The following TCF4 variants were observed in gnomAD, a reference collection of about 807,000 sequenced individuals.
The protein encoded by TCF4 is transcription factor 4, also known as SL3-3 enhancer factor 2.
TCF4 carries 3 observed loss-of-function variants against 82.1 expected under a neutral mutation model. The observed-to-expected ratio is 0.04, with a 90% CI of 0.02 to 0.09. The LOEUF (loss-of-function observed/expected upper bound fraction) is 0.09. Ranked by LOEUF, TCF4 falls within the 10% of genes least tolerant of loss-of-function variation. TCF4 has a pLI of 1.00. For synonymous variants in TCF4, 276 were observed against 309.6 expected, an observed-to-expected ratio of 0.89 and a Z score of 1.14; for missense variants, 518 against 852.7, an observed-to-expected ratio of 0.61 and a Z score of 4.89.
At position 55,588,042 on chromosome 18, in the gene TCF4, C is replaced by A; in HGVS notation, c.-25G>T. 2.0e-6 allele frequency: 2 copies of A among 982,954 alleles called. No individual in the cohort carries two copies. Among genetic ancestry groups the A allele is most frequent in the Non-Finnish European group, 2.4e-6 (2 of 829,030 alleles). The allele number at this position is 982,954 out of a possible 1,614,324, so 60.9% of individuals were successfully genotyped here. A position where few individuals can be genotyped will look rare whatever the true frequency, so the allele number is the denominator to read the frequency against. ...CCCGCAGGCGCCGGTACCTACCGCC[C>A]GCGCGCGAGAAGGGGCTCTCCGTGC... On this transcript the variant is annotated 5_prime_UTR_variant, in exon 1 of 20. Coordinates refer to ENST00000354452, the MANE Select transcript of TCF4 (RefSeq NM_001083962.2).
In TCF4 at chr18:55,633,679, T is replaced by A. The variant is rs1350289824; in HGVS notation, c.195+2024A>T. On this transcript the variant is annotated intron_variant, in intron 1 of 20. Transcript: ENST00000398339. This position sits in a 1 kb window ranked among gnomAD's most constrained non-coding sequence, Gnocchi z 4.0. ...TTTCTGTAAAGGGCCAGATAGCAAATTTTTTAAGCATTGCAGGCCATATGG... is the reference window on the plus strand; with the variant it reads ...TTTCTGTAAAGGGCCAGATAGCAAAATTTTTAAGCATTGCAGGCCATATGG... Among the ~76,000 whole-genome samples the A allele has an allele frequency of 2.0e-5, 3 of 152,040 alleles. No individual in the cohort carries two copies. The highest frequency in any genetic ancestry group is 7.2e-5 in the African/African-American group (3 of 41,386).
intron 8 of TCF4, among the ~76,000 whole-genome samples, chr18:55,328,824 ATAATCAGAGGGGAAATGTGAT>A (rs1282569887): frequency 6.6e-6 from 1 of 152,200 alleles, no homozygotes; most frequent in Admixed American, 6.5e-5. Context: ...GCATTGCTCG[ATAATCAGAGGGGAAATGTGAT>A]TATTACAATG....
chr18:55,230,226 C>T (rs1261366794), intron 17 of TCF4: 1 of 150,934 alleles, frequency 6.6e-6, no homozygotes, highest in East Asian at 1.9e-4. Context: ...ATAACAAATG[C>T]ATGGCCGGGC....
chr18:55,454,255 G>A lies in TCF4; in HGVS notation c.304+6764C>T, dbSNP rs558182017. Among the ~76,000 whole-genome samples the A allele has an allele frequency of 2.9e-3, 449 of 152,236 alleles. 1 individual carries two copies. Among genetic ancestry groups the A allele is most frequent in the Non-Finnish European group, 4.8e-3 (329 of 68,014 alleles). Reference sequence around the variant, plus strand: ...AACAGGCCACACTGTAATATGGCCCGTTTCCTATCTTGGCAGAATATTTTG... The same window carrying A: ...AACAGGCCACACTGTAATATGGCCCATTTCCTATCTTGGCAGAATATTTTG... On this transcript the variant is annotated intron_variant, in intron 5 of 19. Coordinates refer to ENST00000354452, the MANE Select transcript of TCF4 (RefSeq NM_001083962.2).
At chr18:55,376,671 C>T (rs570117559) in intron 6 of TCF4, among the ~76,000 whole-genome samples, 10 of 152,278 alleles carry the variant, frequency 6.6e-5, no homozygotes, top group Admixed American at 5.9e-4. Flanking sequence ...ATATCACATC[C>T]GACTTTTCCA....
chr18:55,468,863 T>A (rs2096093020), intron 3 of TCF4, among the ~76,000 whole-genome samples: 1 of 143,930 alleles, frequency 6.9e-6, no homozygotes. Context: ...ATGAAGCTGC[T>A]GAATCTATTT....
At chr18:55,236,069 ATGTGTGTGTG>A (rs3040521) in intron 15 of TCF4, among the ~76,000 whole-genome samples, 1 of 151,076 alleles carries the variant, frequency 6.6e-6, no homozygotes, top group South Asian at 2.1e-4. Context: ...TCATGTGTGC[ATGTGTGTGTG>A]TGTGTGTGTG....
intron 6 of TCF4, among the ~76,000 whole-genome samples, chr18:55,365,835 T>G (rs1209393296): frequency 6.6e-6 from 1 of 152,118 alleles, no homozygotes; most frequent in East Asian, 1.9e-4. Flanking sequence ...GAGGTTGCAC[T>G]GAGCTGAGAT....
intron 8 of TCF4, among the ~76,000 whole-genome samples, chr18:55,297,446 A>C (rs932918259): frequency 7.2e-6 from 1 of 139,630 alleles, no homozygotes; most frequent in Non-Finnish European, 1.5e-5. Context: ...TAACAAGAAT[A>C]GATCTTAAAG....
At chr18:55,485,122 G>A (rs1326208005) in intron 3 of TCF4, among the ~76,000 whole-genome samples, 1 of 152,180 alleles carries the variant, frequency 6.6e-6, no homozygotes, top group Non-Finnish European at 1.5e-5. Flanking sequence ...CCTCTTTGAT[G>A]ATTTTTCTGT....
At chr18:55,341,924 G>A (rs1265224162) in intron 8 of TCF4, among the ~76,000 whole-genome samples, 1 of 152,148 alleles carries the variant, frequency 6.6e-6, no homozygotes, top group African/African-American at 2.4e-5. Flanking sequence ...ACACAAGACT[G>A]CAAATTTCAT....
At chr18:55,487,280 T>C (rs2096527569) in intron 3 of TCF4, among the ~76,000 whole-genome samples, 1 of 152,212 alleles carries the variant, frequency 6.6e-6, no homozygotes, top group Non-Finnish European at 1.5e-5. Flanking sequence ...CATAATGCCA[T>C]TGAGGAAACA....
intron 2 of TCF4, among the ~76,000 whole-genome samples, chr18:55,621,540 T>G (rs1349755414): frequency 4.3e-3 from 1 of 232 alleles, no homozygotes; most frequent in Non-Finnish European, 0.011. Flanking sequence ...AATATATATA[T>G]TATATTATAT....
At chr18:55,507,876 C>A (rs2096780562) in intron 3 of TCF4, among the ~76,000 whole-genome samples, 1 of 152,126 alleles carries the variant, frequency 6.6e-6, no homozygotes, top group Non-Finnish European at 1.5e-5. Context: ...CCTAAAAATT[C>A]TCTAGGCTGA....
intron 6 of TCF4, among the ~76,000 whole-genome samples, chr18:55,383,640 T>C (rs1052571106): frequency 3.3e-5 from 5 of 152,212 alleles, no homozygotes. Flanking sequence ...CACCTTGATA[T>C]CTCTGGCTTA....
chr18:55,251,420 A>C lies in TCF4; in HGVS notation c.1350+3077T>G, dbSNP rs115504891. Among the ~76,000 whole-genome samples the C allele has an allele frequency of 6.0e-3, 908 of 152,294 alleles. 9 individuals carry two copies. The highest frequency in any genetic ancestry group is 0.021 in the African/African-American group (882 of 41,558). ...ACATTTTATGAATCAAAAGCTAAGG[A>C]CAATATGTTAGCAATTAAATGAGAT... On this transcript the variant is annotated intron_variant, in intron 15 of 19. Transcript: ENST00000354452.
At chr18:55,631,215 A>C in intron 2 of TCF4, 1 of 582,602 alleles carries the variant, frequency 1.7e-6, no homozygotes, top group Non-Finnish European at 3.0e-6. Flanking sequence ...ATACCCAGCT[A>C]ATTTCTGTGT....
intron 8 of TCF4, among the ~76,000 whole-genome samples, chr18:55,309,214 T>C (rs892523622): frequency 6.6e-6 from 1 of 152,000 alleles, no homozygotes; most frequent in African/African-American, 2.4e-5. Flanking sequence ...CTGGGCTCAA[T>C]GATCCTCCTG....
At chr18:55,371,219 T>A (rs970233314) in intron 6 of TCF4, among the ~76,000 whole-genome samples, 1 of 152,334 alleles carries the variant, frequency 6.6e-6, no homozygotes, top group East Asian at 1.9e-4. Context: ...TACCTCTTCA[T>A]TAGTTTGTGA....
Sources: allele counts gnomAD v4.1 joint callset (sites outside exome capture counted in the v4.1 genomes callset), GRCh38; gene constraint gnomAD v4.1.1; non-coding constraint Gnocchi (gnomAD v3.1); transcripts MANE v1.5; gene names NCBI Gene and HGNC (gene_info 2026-07-23, HGNC 2026-07-21).